TRIM46: variants seen among roughly 807,000 people sequenced by gnomAD.
TRIM46 encodes the protein tripartite motif-containing protein 46.
In TRIM46, 17 loss-of-function variants were observed where a neutral mutation model predicts 69.7. The observed-to-expected ratio is 0.24, with a 90% confidence interval of 0.17 to 0.37. TRIM46 has a LOEUF of 0.37. Among genes scored for constraint, TRIM46 ranks in the 10% least tolerant of loss-of-function variants. TRIM46 has a pLI of 1.00. For synonymous variants in TRIM46, 391 were observed against 429.0 expected, an observed-to-expected ratio of 0.91 and a Z score of 1.09; for missense variants, 675 against 1,025.1, an observed-to-expected ratio of 0.66 and a Z score of 4.66.
chr1:155,174,660 G>A, intron 1 of TRIM46: 2 of 1,499,138 alleles, frequency 1.3e-6, no homozygotes, highest in South Asian at 1.3e-5. Flanking sequence ...TGGGGGTGGG[G>A]CATAGCCTGA....
chr1:155,182,577 A>G, intron 9 of TRIM46: 1 of 236,614 alleles, frequency 4.2e-6, no homozygotes. Flanking sequence ...GCGGTGGCTC[A>G]CGCCTGTAAT....
chr1:155,177,931 G>A (rs1665811228), intron 5 of TRIM46, 71 bp from the exon 6 acceptor site: 2 of 1,565,492 alleles, frequency 1.3e-6, no homozygotes, highest in East Asian at 2.3e-5. Flanking sequence ...ATCCAAGGAG[G>A]CCAGCACAAG....
At position 155,175,854 on chromosome 1, in the gene TRIM46, T is replaced by G. The variant is rs1665614060; in HGVS notation, c.326-34T>G. ...TTCCCCACACCCAGCCAGCTGTAACTCTCATGTCCTCTACCTCCCTGGTTC... is the reference window on the plus strand; with the variant it reads ...TTCCCCACACCCAGCCAGCTGTAACGCTCATGTCCTCTACCTCCCTGGTTC... On this transcript the variant is annotated intron_variant, in intron 2 of 9. Transcript: ENST00000334634. The surrounding 1 kb of genome is among the most constrained non-coding windows in gnomAD (Gnocchi z 4.2). 2.5e-6 allele frequency: 4 copies of G among 1,582,006 alleles called. No individual in the cohort carries two copies. Among genetic ancestry groups the G allele is most frequent in the Non-Finnish European group, 3.4e-6 (4 of 1,165,158 alleles).
chr1:155,178,739 T>TTGGCCCCCCCCC, intron 7 of TRIM46, 126 bp downstream of exon 7: 217 of 1,348,194 alleles, frequency 1.6e-4, no homozygotes, highest in Non-Finnish European at 2.0e-4. Flanking sequence ...CAGCCATTCC[T>TTGGCCCCCCCCC]CCCACCCAGC....
At chr1:155,178,739 T>TTGGGGCCCCCCCCC in intron 7 of TRIM46, 126 bp downstream of exon 7, 30 of 1,348,456 alleles carry the variant, frequency 2.2e-5, no homozygotes, top group African/African-American at 2.9e-5. Context: ...CAGCCATTCC[T>TTGGGGCCCCCCCCC]CCCACCCAGC....
chr1:155,175,728 A>G lies in TRIM46; in HGVS notation c.325+81A>G, dbSNP rs1665595706. The G allele has an allele frequency of 7.5e-6, 12 of 1,606,406 alleles. No homozygotes were observed. Among genetic ancestry groups the G allele is most frequent in the Non-Finnish European group, 1.0e-5 (12 of 1,176,760 alleles). ...ATGGAAGAAGTCCATCACTGGTCAG[A>G]GGCATCTGTCTGTCTTTCTGGGGGG... is the stretch of plus-strand genomic sequence containing the variant. On this transcript the variant is annotated intron_variant, in intron 2 of 9. Coordinates refer to ENST00000334634, the MANE Select transcript of TRIM46 (RefSeq NM_025058.5). The surrounding 1 kb of genome is among the most constrained non-coding windows in gnomAD (Gnocchi z 4.2).
In TRIM46 at chr1:155,181,788, G is replaced by A; in HGVS notation, c.1589-64G>A. The A allele has an allele frequency of 6.5e-7, 1 of 1,543,332 alleles. No individual in the cohort carries two copies. Among genetic ancestry groups the A allele is most frequent in the African/African-American group, 1.4e-5 (1 of 73,592 alleles). ...GCGTTCCCTGTTCTGCAGTCTCACA[G>A]CCCCCAGTGCCAGTGTTTGTCCCTG... On this transcript the variant is annotated intron_variant, in intron 8 of 9. Transcript: ENST00000334634. This position sits in a 1 kb window ranked among gnomAD's most constrained non-coding sequence, Gnocchi z 4.3.
intron 9 of TRIM46, chr1:155,182,703 C>T (rs1258225057): frequency 1.3e-5 from 2 of 154,036 alleles, no homozygotes; most frequent in African/African-American, 4.8e-5. Context: ...AATAGCTGGG[C>T]GTGGTAGCGC....
Position 155,178,530 on chromosome 1 carries a change from C to T in TRIM46, c.1202C>T (p.Pro401Leu). 6.2e-7 allele frequency: 1 copy of T among 1,614,166 alleles called. No homozygotes were observed. The highest frequency in any genetic ancestry group is 1.3e-5 in the African/African-American group (1 of 75,056). ...ACTGAAGCCCTCCAGACATTCCGGC[C>T]AGCTGCCAGCTCCTCCTTCCGCCAT... Reference protein sequence around the residue: ...RATEALQTFRPAASSSFRHCQ... With the variant: ...RATEALQTFRLAASSSFRHCQ... Residue 401 changes from proline (P) to leucine (L), a missense_variant, in exon 7 of 10, where the codon CCA becomes CTA. Coordinates refer to ENST00000334634, the MANE Select transcript of TRIM46 (RefSeq NM_025058.5).
intron 1 of TRIM46, 42 bp downstream of exon 1, chr1:155,174,071 G>A: frequency 1.3e-6 from 2 of 1,546,892 alleles, no homozygotes; most frequent in Non-Finnish European, 8.8e-7. Flanking sequence ...GGGGCGTATA[G>A]GGTTCTGGGG....
intron 1 of TRIM46, chr1:155,174,716 G>A (rs544422204): frequency 2.8e-6 from 4 of 1,451,800 alleles, no homozygotes; most frequent in Admixed American, 5.2e-5. Flanking sequence ...CTTCCGGTGG[G>A]GAGGGGGCGA....
At chr1:155,177,960 G>C in intron 5 of TRIM46, 42 bp from the exon 6 acceptor site, 1 of 1,596,792 alleles carries the variant, frequency 6.3e-7, no homozygotes, top group Non-Finnish European at 8.6e-7. Context: ...CCAAAAAGAA[G>C]ATAGTAAGTC....
chr1:155,178,487 C>T lies in TRIM46; in HGVS notation c.1164-5C>T. 1 of 1,613,786 alleles carries T rather than the reference C, an allele frequency of 6.2e-7. No individual in the cohort carries two copies. The highest frequency in any genetic ancestry group is 1.7e-5 in the Admixed American group (1 of 60,030). On this transcript the variant is annotated splice_polypyrimidine_tract_variant and splice_region_variant and intron_variant, in intron 6 of 9. Coordinates refer to ENST00000334634, the MANE Select transcript of TRIM46 (RefSeq NM_025058.5). ...GTGCCTGACCCTTTCTTGCCCCCATCCCAGGATTGCCCGAGCCACTGAAGC... is the reference window on the plus strand; with the variant it reads ...GTGCCTGACCCTTTCTTGCCCCCATTCCAGGATTGCCCGAGCCACTGAAGC...
In TRIM46 at chr1:155,181,439, G is replaced by T. The variant is rs1223576199; in HGVS notation, c.1589-413G>T. 1.3e-5 allele frequency among the ~76,000 whole-genome samples: 2 copies of T among 152,108 alleles called. No individual in the cohort carries two copies. Among genetic ancestry groups the T allele is most frequent in the East Asian group, 3.8e-4 (2 of 5,198 alleles). On this transcript the variant is annotated intron_variant, in intron 8 of 9. Transcript: ENST00000334634. This position sits in a 1 kb window ranked among gnomAD's most constrained non-coding sequence, Gnocchi z 4.3. ...AGAGGGAAGCCTTGCCACCCAAATA[G>T]GGGCTGGGTATAAGGGCCAGGTGTG...
Position 155,173,893 on chromosome 1 carries a change from C to A in TRIM46, c.-74C>A. On this transcript the variant is annotated 5_prime_UTR_variant, in exon 1 of 10. Transcript: ENST00000334634. ...CAGCCCTCCTCACACCCCCACTGGG[C>A]TCCTGCATTAAGCCCGGGGTTCGCA... 1 of 1,468,144 alleles carries A rather than the reference C, an allele frequency of 6.8e-7. No homozygotes were observed. Among genetic ancestry groups the A allele is most frequent in the Non-Finnish European group, 9.3e-7 (1 of 1,076,432 alleles). 90.9% of individuals were successfully genotyped at this position (1,468,144 alleles called of 1,614,324 possible). A position where few individuals can be genotyped will look rare whatever the true frequency, so the allele number is the denominator to read the frequency against.
chr1:155,183,762 C>T (rs1666354300), intron 9 of TRIM46, 35 bp from the exon 10 acceptor site: 1 of 1,595,046 alleles, frequency 6.3e-7, no homozygotes, highest in South Asian at 1.1e-5. Context: ...CACTCCATCC[C>T]TCAACAATCT....
intron 7 of TRIM46, 38 bp from the exon 8 acceptor site, chr1:155,179,594 G>T: frequency 6.4e-7 from 1 of 1,551,084 alleles, no homozygotes; most frequent in South Asian, 1.2e-5. Flanking sequence ...CAGGCCAGTG[G>T]CCAGGCCCTG....
chr1:155,175,164 C>G lies in TRIM46; in HGVS notation c.64-222C>G. The G allele has an allele frequency of 2.8e-6, 4 of 1,406,200 alleles. No individual in the cohort carries two copies. Among genetic ancestry groups the G allele is most frequent in the Non-Finnish European group, 3.7e-6 (4 of 1,088,226 alleles). 87.1% of individuals were successfully genotyped at this position (1,406,200 alleles called of 1,614,324 possible). A position where few individuals can be genotyped will look rare whatever the true frequency, so the allele number is the denominator to read the frequency against. ...GGCTGGAGCAGGCACAAGCTCCAAC[C>G]GTCCCTCCTCTGGGCCTTTAGCTCT... On this transcript the variant is annotated intron_variant, in intron 1 of 9. Transcript: ENST00000334634. The surrounding 1 kb of genome is among the most constrained non-coding windows in gnomAD (Gnocchi z 4.2).
chr1:155,176,332 T>C lies in TRIM46; in HGVS notation c.669+101T>C. ...GTTTCCAAAAGGAAGTGGGAAGGGT[T>C]TTCCAATGCTAAGCACCTATCTCTG... On this transcript the variant is annotated intron_variant, in intron 3 of 9. Coordinates refer to ENST00000334634, the MANE Select transcript of TRIM46 (RefSeq NM_025058.5). 5 of 1,076,624 alleles carry C rather than the reference T, an allele frequency of 4.6e-6. No individual in the cohort carries two copies. In the South Asian group the frequency reaches 7.9e-5, roughly 17 times the overall value. The allele number at this position is 1,076,624 out of a possible 1,614,324, so 66.7% of individuals were successfully genotyped here.
Sources: allele counts gnomAD v4.1 joint callset (sites outside exome capture counted in the v4.1 genomes callset), GRCh38; gene constraint gnomAD v4.1.1; non-coding constraint Gnocchi (gnomAD v3.1); transcripts MANE v1.5; gene names NCBI Gene and HGNC (gene_info 2026-07-23, HGNC 2026-07-21).